The following ASB18 variants were observed in gnomAD, a reference collection of about 807,000 sequenced individuals.
ASB18 encodes the protein ankyrin repeat and SOCS box protein 18.
Under a neutral mutation model 33.4 loss-of-function variants are expected in ASB18, and 33 were observed. The observed-to-expected ratio is 0.99, with a 90% CI of 0.75 to 1.32. ASB18 has a LOEUF of 1.32. ASB18 is among the 40% of genes most tolerant of loss of function. ASB18 has a pLI of 0.00. For missense variants in ASB18, 694 were observed against 655.5 expected, an observed-to-expected ratio of 1.06 and a Z score of -0.64; for synonymous variants, 295 against 307.6, an observed-to-expected ratio of 0.96 and a Z score of 0.43.
Position 236,213,197 on chromosome 2 carries a change from C to T in ASB18, c.1101+1165G>A, listed in dbSNP as rs1019027655. ...TTAGTGGAGCACCACAAGACAATTA[C>T]CCAAAGAGGGGGTGAGACAGCATCG... On this transcript the variant is annotated intron_variant, in intron 4 of 5. Transcript: ENST00000409749. The surrounding 1 kb of genome is among the most constrained non-coding windows in gnomAD (Gnocchi z 4.8). 2.6e-5 allele frequency among the ~76,000 whole-genome samples: 4 copies of T among 151,976 alleles called. No individual in the cohort carries two copies. Among genetic ancestry groups the T allele is most frequent in the African/African-American group, 7.3e-5 (3 of 41,368 alleles).
chr2:236,261,895 G>T (rs1027513867), intron 1 of ASB18, among the ~76,000 whole-genome samples: 1 of 152,120 alleles, frequency 6.6e-6, no homozygotes, highest in Non-Finnish European at 1.5e-5. Context: ...ATCAGATCTC[G>T]TGAGACTTAT....
chr2:236,239,616 G>T lies in ASB18; in HGVS notation c.329-1660C>A, dbSNP rs1576407558. Among the ~76,000 whole-genome samples the T allele has an allele frequency of 6.6e-6, 1 of 152,168 alleles. No homozygotes were observed. ...ATGTGGTGTGTCCCTCTAAGCATCAGCTCCCCCATGTCAGTGCTCTCTATG... is the reference window on the plus strand; with the variant it reads ...ATGTGGTGTGTCCCTCTAAGCATCATCTCCCCCATGTCAGTGCTCTCTATG... On this transcript the variant is annotated intron_variant, in intron 2 of 5. Transcript: ENST00000409749. The surrounding 1 kb of genome is among the most constrained non-coding windows in gnomAD (Gnocchi z 5.6).
In ASB18 at chr2:236,237,684, C is replaced by G; in HGVS notation, c.596+5G>C. 1 of 1,445,332 alleles carries G rather than the reference C, an allele frequency of 6.9e-7. No homozygotes were observed. Among genetic ancestry groups the G allele is most frequent in the South Asian group, 1.4e-5 (1 of 73,716 alleles). 89.5% of individuals were successfully genotyped at this position (1,445,332 alleles called of 1,614,324 possible). ...GACGCCGCGGGCCTGTCCCGAGGTC[C>G]TTACCCGAGCGAGGCGGCCGTGCGG... On this transcript the variant is annotated splice_donor_5th_base_variant and intron_variant, in intron 3 of 5. Transcript: ENST00000409749. The surrounding 1 kb of genome is among the most constrained non-coding windows in gnomAD (Gnocchi z 6.2).
intron 1 of ASB18, among the ~76,000 whole-genome samples, chr2:236,246,530 C>T (rs561245437): frequency 3.9e-5 from 6 of 152,108 alleles, no homozygotes; most frequent in Non-Finnish European, 8.8e-5. Context: ...AAAGAGCCCA[C>T]TGTGTGCCTA....
At chr2:236,218,330 G>A (rs552205304) in intron 3 of ASB18, among the ~76,000 whole-genome samples, 2 of 149,226 alleles carry the variant, frequency 1.3e-5, no homozygotes, top group South Asian at 2.1e-4. Flanking sequence ...ACAACAAATT[G>A]ACTGGGGCAC....
At chr2:236,230,737 A>C (rs2060560312) in intron 3 of ASB18, among the ~76,000 whole-genome samples, 1 of 151,624 alleles carries the variant, frequency 6.6e-6, no homozygotes, top group African/African-American at 2.4e-5. Context: ...ATATCTAGTA[A>C]GCCAAAAAAG....
rs964292302 is a variant in ASB18, at chr2:236,257,527, C to T, written c.205+6614G>A. ...ACTCTATCTACTGAGATTGTGTGCA[C>T]GTGTGCATGACTGTGTGTGTGCGTG... is the stretch of plus-strand genomic sequence containing the variant. On this transcript the variant is annotated intron_variant, in intron 1 of 5. Coordinates refer to ENST00000409749, the MANE Select transcript of ASB18 (RefSeq NM_212556.4). This position sits in a 1 kb window ranked among gnomAD's most constrained non-coding sequence, Gnocchi z 5.5. Among the ~76,000 whole-genome samples the T allele has an allele frequency of 2.0e-5, 3 of 152,098 alleles. No individual in the cohort carries two copies. Among genetic ancestry groups the T allele is most frequent in the Non-Finnish European group, 4.4e-5 (3 of 68,036 alleles).
rs932472302 is a variant in ASB18, at chr2:236,220,857, A to G, written c.597-5991T>C. Among the ~76,000 whole-genome samples the G allele has an allele frequency of 1.6e-4, 24 of 152,198 alleles. No individual in the cohort carries two copies. Among genetic ancestry groups the G allele is most frequent in the African/African-American group, 5.6e-4 (23 of 41,434 alleles). On this transcript the variant is annotated intron_variant, in intron 3 of 5. Coordinates refer to ENST00000409749, the MANE Select transcript of ASB18 (RefSeq NM_212556.4). This position sits in a 1 kb window ranked among gnomAD's most constrained non-coding sequence, Gnocchi z 5.1. Reference sequence around the variant, plus strand: ...ATTCAATAAGCAGAGAACATGTGCCATGCTCCTTTCGAGGTAAGGAGAAGT... The same window carrying G: ...ATTCAATAAGCAGAGAACATGTGCCGTGCTCCTTTCGAGGTAAGGAGAAGT...
Position 236,196,982 on chromosome 2 carries a change from T to TA in ASB18, c.1102-598dup, listed in dbSNP as rs543789344. On this transcript the variant is annotated intron_variant, in intron 4 of 5. Coordinates refer to ENST00000409749, the MANE Select transcript of ASB18 (RefSeq NM_212556.4). The surrounding 1 kb of genome is among the most constrained non-coding windows in gnomAD (Gnocchi z 5.6). ...TAAAGATGGGAACACTATTTGCTTT[T>TA]AAAAAATAAACTTTTTTTTGTTATG... 4.2e-4 allele frequency among the ~76,000 whole-genome samples: 64 copies of TA among 152,300 alleles called. No homozygotes were observed. Among genetic ancestry groups the TA allele is most frequent in the Middle Eastern group, 3.4e-3 (1 of 294 alleles).
rs1384619389 is a variant in ASB18, at chr2:236,259,557, C to T, written c.205+4584G>A. On this transcript the variant is annotated intron_variant, in intron 1 of 5. Coordinates refer to ENST00000409749, the MANE Select transcript of ASB18 (RefSeq NM_212556.4). This position sits in a 1 kb window ranked among gnomAD's most constrained non-coding sequence, Gnocchi z 4.4. Reference sequence around the variant, plus strand: ...TGGGAAGGGATGGCCTTCCAGTGGACGTGACCTCCCCTGCATGGGGTCGGA... The same window carrying T: ...TGGGAAGGGATGGCCTTCCAGTGGATGTGACCTCCCCTGCATGGGGTCGGA... 2.3e-5 allele frequency: 11 copies of T among 471,046 alleles called. No individual in the cohort carries two copies. The highest frequency in any genetic ancestry group is 1.4e-4 in the Admixed American group (6 of 42,558). The allele number at this position is 471,046 out of a possible 1,614,324, so 29.2% of individuals were successfully genotyped here.
chr2:236,258,275 C>T (rs1336311794), intron 1 of ASB18, among the ~76,000 whole-genome samples: 1 of 152,178 alleles, frequency 6.6e-6, no homozygotes, highest in Non-Finnish European at 1.5e-5. Flanking sequence ...CAAACACAAG[C>T]CATTCGTCTT....
At position 236,214,945 on chromosome 2, in the gene ASB18, A is replaced by G. The variant is rs540744027; in HGVS notation, c.597-79T>C. 954 of 1,110,358 alleles carry G rather than the reference A, an allele frequency of 8.6e-4. No individual in the cohort carries two copies. The highest frequency in any genetic ancestry group is 7.3e-3 in the Middle Eastern group (20 of 2,736). The allele number at this position is 1,110,358 out of a possible 1,614,324, so 68.8% of individuals were successfully genotyped here. Reference sequence around the variant, plus strand: ...TCCACCCCCGGCCTGCTGCTGCAAAATATCAAGTGACCTCTGAATGAAAAG... The same window carrying G: ...TCCACCCCCGGCCTGCTGCTGCAAAGTATCAAGTGACCTCTGAATGAAAAG... On this transcript the variant is annotated intron_variant, in intron 3 of 5. Coordinates refer to ENST00000409749, the MANE Select transcript of ASB18 (RefSeq NM_212556.4). This position sits in a 1 kb window ranked among gnomAD's most constrained non-coding sequence, Gnocchi z 6.5.
In ASB18 at chr2:236,215,687, C is replaced by G. The variant is rs947194596; in HGVS notation, c.597-821G>C. Among the ~76,000 whole-genome samples the G allele has an allele frequency of 5.3e-5, 8 of 152,254 alleles. No individual in the cohort carries two copies. The East Asian group carries it at 1.4e-3, about 26-fold the overall frequency. ...AAACAGCTCAGCCTAGGCTCAGATG[C>G]CTGGTGAGAAGTGTGCCCCAGCCTG... On this transcript the variant is annotated intron_variant, in intron 3 of 5. Coordinates refer to ENST00000409749, the MANE Select transcript of ASB18 (RefSeq NM_212556.4). This position sits in a 1 kb window ranked among gnomAD's most constrained non-coding sequence, Gnocchi z 7.2.
Position 236,222,632 on chromosome 2 carries a change from TGGTTCATGGGGGTA to T in ASB18, c.597-7780_597-7767del, listed in dbSNP as rs984738563. Among the ~76,000 whole-genome samples the T allele has an allele frequency of 2.0e-5, 3 of 152,260 alleles. No individual in the cohort carries two copies. The highest frequency in any genetic ancestry group is 7.2e-5 in the African/African-American group (3 of 41,548). On this transcript the variant is annotated intron_variant, in intron 3 of 5. Transcript: ENST00000409749. This position sits in a 1 kb window ranked among gnomAD's most constrained non-coding sequence, Gnocchi z 5.5. ...AGGATGGGGCCTGGTGGGAGGTGGT[TGGTTCATGGGGGTA>T]GGTCTCTCACGAATGGTTTAGTACC...
At position 236,217,424 on chromosome 2, in the gene ASB18, A is replaced by AAAATAAT. The variant is rs56849279; in HGVS notation, c.597-2559_597-2558insATTATTT. On this transcript the variant is annotated intron_variant, in intron 3 of 5. Transcript: ENST00000409749. The surrounding 1 kb of genome is among the most constrained non-coding windows in gnomAD (Gnocchi z 5.2). ...CGAGACTCTGTCTCAAAAAAAAAAA[A>AAAATAAT]AAATAAATCTTGGCACCTTCAACTC... Among the ~76,000 whole-genome samples, 6,253 of 150,376 alleles carry AAAATAAT rather than the reference A, an allele frequency of 0.042. 268 individuals carry two copies. The highest frequency in any genetic ancestry group is 0.11 in the African/African-American group (4,423 of 40,496).
At position 236,217,319 on chromosome 2, in the gene ASB18, A is replaced by G. The variant is rs543894675; in HGVS notation, c.597-2453T>C. Among the ~76,000 whole-genome samples the G allele has an allele frequency of 8.2e-4, 124 of 152,090 alleles. No homozygotes were observed. The highest frequency in any genetic ancestry group is 2.9e-3 in the African/African-American group (122 of 41,504). Reference sequence around the variant, plus strand: ...CCACTCGGGAGGCTGAGGCAGGAGAATCACTTAAACCCGGGAGGTGGAGGT... The same window carrying G: ...CCACTCGGGAGGCTGAGGCAGGAGAGTCACTTAAACCCGGGAGGTGGAGGT... On this transcript the variant is annotated intron_variant, in intron 3 of 5. Coordinates refer to ENST00000409749, the MANE Select transcript of ASB18 (RefSeq NM_212556.4). The surrounding 1 kb of genome is among the most constrained non-coding windows in gnomAD (Gnocchi z 5.2).
In ASB18 at chr2:236,228,460, C is replaced by T. The variant is rs528717622; in HGVS notation, c.596+9229G>A. On this transcript the variant is annotated intron_variant, in intron 3 of 5. Coordinates refer to ENST00000409749, the MANE Select transcript of ASB18 (RefSeq NM_212556.4). This position sits in a 1 kb window ranked among gnomAD's most constrained non-coding sequence, Gnocchi z 5.1. The stretch of plus-strand genomic sequence containing the variant: ...CACACAGAAAGAACTTTGCAGAGGG[C>T]CCCCTTGATTATTCAGCTCAATACC... 6.6e-6 allele frequency among the ~76,000 whole-genome samples: 1 copy of T among 152,224 alleles called. No homozygotes were observed. The highest frequency in any genetic ancestry group is 1.5e-5 in the Non-Finnish European group (1 of 67,994).
rs1381550430 is a variant in ASB18 at position 236,222,549 on chromosome 2, T to C, written c.597-7683A>G. 1.3e-5 allele frequency among the ~76,000 whole-genome samples: 2 copies of C among 152,322 alleles called. No homozygotes were observed. Among genetic ancestry groups the C allele is most frequent in the East Asian group, 1.9e-4 (1 of 5,182 alleles). On this transcript the variant is annotated intron_variant, in intron 3 of 5. Coordinates refer to ENST00000409749, the MANE Select transcript of ASB18 (RefSeq NM_212556.4). This position sits in a 1 kb window ranked among gnomAD's most constrained non-coding sequence, Gnocchi z 5.5. ...TCCACTGTGTGCCCCATGATATAGT[T>C]TGGATATTTATCACTGCTGAAATCT...
rs544950372 is a variant in ASB18 at position 236,204,654 on chromosome 2, C to G, written c.1102-8269G>C. Among the ~76,000 whole-genome samples the G allele has an allele frequency of 6.6e-6, 1 of 152,230 alleles. No homozygotes were observed. Among genetic ancestry groups the G allele is most frequent in the Non-Finnish European group, 1.5e-5 (1 of 68,044 alleles). On this transcript the variant is annotated intron_variant, in intron 4 of 5. Coordinates refer to ENST00000409749, the MANE Select transcript of ASB18 (RefSeq NM_212556.4). The surrounding 1 kb of genome is among the most constrained non-coding windows in gnomAD (Gnocchi z 5.1). ...CACACTCAACATACCAAAAACTGAA[C>G]TCCCTTGTTCACCAGGTCCCAACCT...
Sources: gnomAD v4.1 joint callset for allele counts (sites outside exome capture counted in the v4.1 genomes callset) on GRCh38, gnomAD v4.1.1 for gene constraint, Gnocchi (gnomAD v3.1) non-coding constraint, MANE v1.5 for transcripts, NCBI Gene and HGNC (gene_info 2026-07-23, HGNC 2026-07-21) for gene names.